Variants in LMLN observed in about 807,000 individuals in gnomAD.
LMLN encodes leishmanolysin-like peptidase.
In LMLN, 70 loss-of-function variants were observed where a neutral mutation model predicts 92.3. The observed-to-expected ratio is 0.76, with a 90% CI of 0.63 to 0.92. The LOEUF is 0.92. Ranked by LOEUF, LMLN falls within the 40% of genes least tolerant of loss-of-function variation. The probability of loss-of-function intolerance (pLI) is 0.00; values close to 1 mark genes in which losing one functional copy is unlikely to be tolerated. For missense variants in LMLN, 691 were observed against 814.6 expected (o/e 0.85, Z 1.85); for synonymous variants, 308 against 296.2 (o/e 1.04, Z -0.41).
intron 14 of LMLN, among the ~76,000 whole-genome samples, chr3:198,027,568 T>C (rs1016561427): frequency 6.6e-6 from 1 of 152,178 alleles, no homozygotes; most frequent in African/African-American, 2.4e-5. Flanking sequence ...CTCTGTGGAT[T>C]TGCCTAATCT....
intron 11 of LMLN, among the ~76,000 whole-genome samples, chr3:198,015,354 C>T (rs1481334728): frequency 3.3e-3 from 85 of 25,380 alleles, no homozygotes; most frequent in African/African-American, 0.016. Context: ...TCTCTCCACC[C>T]TTCAGAGCCC....
At chr3:198,017,228 A>T (rs1448779553) in intron 11 of LMLN, among the ~76,000 whole-genome samples, 3 of 152,238 alleles carry the variant, frequency 2.0e-5, no homozygotes, top group Non-Finnish European at 2.9e-5. Context: ...CTTGTGAGGC[A>T]TTGAAATTCA....
At chr3:197,978,962 G>T (rs577133367) in intron 5 of LMLN, among the ~76,000 whole-genome samples, 1 of 152,234 alleles carries the variant, frequency 6.6e-6, no homozygotes, top group Admixed American at 6.5e-5. Flanking sequence ...CTGCACTCCA[G>T]CCTGGGCAAC....
At chr3:197,974,327 G>A in intron 1 of LMLN, 50 bp from the exon 2 acceptor site, 1 of 928,638 alleles carries the variant, frequency 1.1e-6, no homozygotes, top group Non-Finnish European at 1.7e-6. Context: ...GGATTGCAGT[G>A]GGTTAATCTG....
exon 1 of LMLN, chr3:197,960,335 A>C: frequency 6.2e-7 from 1 of 1,613,822 alleles, no homozygotes; most frequent in Non-Finnish European, 8.5e-7. Flanking sequence ...TGTGGGTCCG[A>C]AGCGTTTTAC....
At chr3:198,002,492 C>G (rs1264772951) in intron 11 of LMLN, among the ~76,000 whole-genome samples, 1 of 152,224 alleles carries the variant, frequency 6.6e-6, no homozygotes, top group Non-Finnish European at 1.5e-5. Flanking sequence ...AATCCCAGCA[C>G]TTTGGCAGGC....
chr3:198,021,332 A>G (rs1425170629), intron 12 of LMLN, 114 bp from the exon 14 acceptor site: 3 of 818,598 alleles, frequency 3.7e-6, no homozygotes, highest in South Asian at 3.3e-5. Flanking sequence ...AGAAAGGTAC[A>G]TTAGTATCTT....
chr3:197,966,236 T>C (rs1721057052), intron 1 of LMLN, among the ~76,000 whole-genome samples: 1 of 152,142 alleles, frequency 6.6e-6, no homozygotes, highest in South Asian at 2.1e-4. Flanking sequence ...AGAGACAAGT[T>C]TCGCCATGTT....
At chr3:197,981,610 T>G (rs527415247) in intron 6 of LMLN, among the ~76,000 whole-genome samples, 2 of 152,324 alleles carry the variant, frequency 1.3e-5, no homozygotes, top group Admixed American at 1.3e-4. Context: ...TTTCAAACAT[T>G]TTTCCTGTGA....
chr3:198,006,208 A>G (rs1312757232), intron 11 of LMLN, among the ~76,000 whole-genome samples: 1 of 152,186 alleles, frequency 6.6e-6, no homozygotes, highest in Non-Finnish European at 1.5e-5. Flanking sequence ...TTTACTCAGC[A>G]TAATTCTCTG....
chr3:197,985,948 T>C, intron 8 of LMLN, 58 bp downstream of exon 8: 1 of 1,036,412 alleles, frequency 9.6e-7, no homozygotes, highest in Non-Finnish European at 1.5e-6. Flanking sequence ...AAGACTAGAA[T>C]CTGAGAATCA....
chr3:197,980,692 AC>A, intron 6 of LMLN, 188 bp downstream of exon 6: 1 of 457,656 alleles, frequency 2.2e-6, no homozygotes, highest in South Asian at 5.1e-5. Context: ...TAATGTGATA[AC>A]CCAAGTTTTT....
chr3:197,974,337 G>A, intron 1 of LMLN, 40 bp from the exon 2 acceptor site: 4 of 1,040,672 alleles, frequency 3.8e-6, no homozygotes, highest in Non-Finnish European at 5.9e-6. Flanking sequence ...GGGTTAATCT[G>A]TATGTCTTAA....
intron 5 of LMLN, among the ~76,000 whole-genome samples, chr3:197,978,234 C>A (rs1721459597): frequency 6.6e-6 from 1 of 152,154 alleles, no homozygotes; most frequent in Admixed American, 6.5e-5. Context: ...AAATGTTAAT[C>A]ATTTCTTTAA....
chr3:198,014,793 T>C (rs1290005300), intron 11 of LMLN, among the ~76,000 whole-genome samples: 3 of 131,896 alleles, frequency 2.3e-5, no homozygotes, highest in Non-Finnish European at 4.9e-5. Context: ...CTGACTTCTC[T>C]CCACCGTTCA....
chr3:198,012,136 G>A (rs1268123983), intron 11 of LMLN, among the ~76,000 whole-genome samples: 1 of 152,130 alleles, frequency 6.6e-6, no homozygotes, highest in Non-Finnish European at 1.5e-5. Context: ...TGCAATCTCG[G>A]CTCACTGCAG....
chr3:198,015,239 C>T (rs1210157162), intron 11 of LMLN, among the ~76,000 whole-genome samples: 8 of 124,782 alleles, frequency 6.4e-5, no homozygotes, highest in African/African-American at 2.0e-4. Flanking sequence ...GACTTCTCTC[C>T]ACCCTTCAGA....
At position 197,985,971 on chromosome 3, in the gene LMLN, T is replaced by C. The variant is rs553168827; in HGVS notation, c.929+81T>C. The C allele has an allele frequency of 5.4e-5, 45 of 837,668 alleles. No individual in the cohort carries two copies. In the African/African-American group the frequency reaches 6.9e-4, roughly 13 times the overall value. 51.9% of individuals were successfully genotyped at this position (837,668 alleles called of 1,614,324 possible). A position where few individuals can be genotyped will look rare whatever the true frequency, so the allele number is the denominator to read the frequency against. ...AATCTGAGAATCACAGTATATTAGA[T>C]GCCATAAATAATAATGTCTTCATGG... On this transcript the variant is annotated intron_variant, in intron 8 of 15. Coordinates refer to ENST00000330198, the Ensembl canonical transcript of LMLN.
intron 1 of LMLN, among the ~76,000 whole-genome samples, chr3:197,966,901 C>A (rs1163263593): frequency 1.3e-5 from 2 of 152,058 alleles, no homozygotes; most frequent in Admixed American, 1.3e-4. Flanking sequence ...TTAAGCAGTC[C>A]TCCTGCCTCA....
Sources: gnomAD v4.1 joint callset for allele counts (sites outside exome capture counted in the v4.1 genomes callset) on GRCh38, gnomAD v4.1.1 for gene constraint, MANE v1.5 for transcripts, NCBI Gene and HGNC (gene_info 2026-07-23, HGNC 2026-07-21) for gene names.